Variants in CNST observed in about 807,000 individuals in gnomAD.
CNST encodes the protein consortin, connexin sorting protein.
Under a neutral mutation model 72.4 loss-of-function variants are expected in CNST, and 39 were observed. The ratio of observed to expected loss-of-function variants is 0.54; its 90% confidence interval spans 0.42 to 0.70. The LOEUF is 0.70. Ranked by LOEUF, CNST falls within the 30% of genes least tolerant of loss-of-function variation. The pLI is 0.00. For synonymous variants in CNST, 332 were observed against 320.1 expected, an observed-to-expected ratio of 1.04 and a Z score of -0.40; for missense variants, 871 against 868.5, an observed-to-expected ratio of 1.00 and a Z score of -0.04.
chr1:246,659,726 GT>G (rs1666982502), intron 9 of CNST, among the ~76,000 whole-genome samples: 1 of 152,148 alleles, frequency 6.6e-6, no homozygotes, highest in Non-Finnish European at 1.5e-5. Context: ...ACACTTTAAT[GT>G]TAAAAGCTTG....
At chr1:246,662,864 G>A (rs189313813) in intron 10 of CNST, among the ~76,000 whole-genome samples, 33 of 152,254 alleles carry the variant, frequency 2.2e-4, no homozygotes, top group Non-Finnish European at 8.8e-5. Flanking sequence ...GTGCCCAACA[G>A]CCACCTGTGG....
intron 1 of CNST, among the ~76,000 whole-genome samples, chr1:246,590,556 TCA>T (rs1572136566): frequency 6.6e-6 from 1 of 152,154 alleles, no homozygotes; most frequent in East Asian, 1.9e-4. Flanking sequence ...CTTGTACTTT[TCA>T]TGGTTTTAGA....
At chr1:246,612,948 A>G (rs1034962227) in intron 2 of CNST, among the ~76,000 whole-genome samples, 1 of 152,092 alleles carries the variant, frequency 6.6e-6, no homozygotes, top group African/African-American at 2.4e-5. Context: ...ACTAATTGAA[A>G]TTTGCTGAGT....
At chr1:246,600,069 G>C (rs1266977854) in intron 2 of CNST, among the ~76,000 whole-genome samples, 5 of 152,182 alleles carry the variant, frequency 3.3e-5, no homozygotes, top group African/African-American at 1.2e-4. Context: ...AGCTGAGTTA[G>C]GACAAATAGG....
chr1:246,572,404 T>A (rs1229696571), intron 1 of CNST, among the ~76,000 whole-genome samples: 1 of 152,252 alleles, frequency 6.6e-6, no homozygotes, highest in Non-Finnish European at 1.5e-5. Flanking sequence ...TTGTTCATTA[T>A]TTTTCTCTTC....
At chr1:246,645,083 T>G (rs944212308) in intron 8 of CNST, among the ~76,000 whole-genome samples, 1 of 152,164 alleles carries the variant, frequency 6.6e-6, no homozygotes, top group East Asian at 1.9e-4. Flanking sequence ...GCATCTGATA[T>G]TTGAGTCAGG....
At position 246,665,718 on chromosome 1, in the gene CNST, C is replaced by T. The variant is rs2103181038; in HGVS notation, c.1991C>T (p.Ser664Phe). The T allele has an allele frequency of 6.2e-7, 1 of 1,613,096 alleles. No individual in the cohort carries two copies. The highest frequency in any genetic ancestry group is 8.5e-7 in the Non-Finnish European group (1 of 1,180,022). Residue 664 changes from serine to phenylalanine, a missense_variant, in exon 11 of 11, where the codon TCC becomes TTC. Physicochemically the swap from Ser to Phe is radical, Grantham distance 155. Coordinates refer to ENST00000366513, the MANE Select transcript of CNST (RefSeq NM_152609.3). Reference sequence around the variant, plus strand: ...TTTGCAGATGAAGTTGGAGGTGGCTCCTGTATTTTGCTGGTCTTGCTGTGC... The same window carrying T: ...TTTGCAGATGAAGTTGGAGGTGGCTTCTGTATTTTGCTGGTCTTGCTGTGC... ...SLDQDEVGGG[S>F]CILLVLLCIA...
chr1:246,652,792 C>G (rs546286467), intron 9 of CNST, among the ~76,000 whole-genome samples: 18 of 151,226 alleles, frequency 1.2e-4, no homozygotes, highest in Non-Finnish European at 2.1e-4. Context: ...ATCACGAGGT[C>G]AGGAGATCGA....
rs1666199032 is a variant in CNST at position 246,647,777 on chromosome 1, G to T, written c.1576G>T (p.Val526Leu). 6.2e-7 allele frequency: 1 copy of T among 1,614,054 alleles called. No homozygotes were observed. The highest frequency in any genetic ancestry group is 1.1e-5 in the South Asian group (1 of 91,078). Reference sequence around the variant, plus strand: ...TGACTTAGGCATACTGCTTCCAGAGGTGTGTATGGCCCCAGAGGAAAAGGG... The same window carrying T: ...TGACTTAGGCATACTGCTTCCAGAGTTGTGTATGGCCCCAGAGGAAAAGGG... ...ISDLGILLPE[V>L]CMAPEEKGDK... The change falls in exon 9 of 11, where the codon GTG becomes TTG. Residue 526 changes from valine to leucine, a missense_variant. Physicochemically the swap from Val to Leu is conservative, Grantham distance 32. Coordinates refer to ENST00000366513, the MANE Select transcript of CNST (RefSeq NM_152609.3).
chr1:246,615,204 C>G (rs1289932486), intron 2 of CNST, among the ~76,000 whole-genome samples: 1 of 152,154 alleles, frequency 6.6e-6, no homozygotes, highest in Non-Finnish European at 1.5e-5. Context: ...GAGACGGAGT[C>G]TCGCTCTGTC....
At chr1:246,602,515 C>A (rs190977388) in intron 2 of CNST, among the ~76,000 whole-genome samples, 1 of 152,348 alleles carries the variant, frequency 6.6e-6, no homozygotes, top group East Asian at 1.9e-4. Flanking sequence ...TGACAGCTGG[C>A]TTCCTCCAGG....
Position 246,634,010 on chromosome 1 carries a change from G to T in CNST, c.703G>T (p.Glu235Ter). Residue 235 changes from glutamate (E) to a stop codon, truncating the protein, a stop_gained and splice_region_variant, in exon 5 of 11, where the codon GAA becomes TAA. Coordinates refer to ENST00000366513, the MANE Select transcript of CNST (RefSeq NM_152609.3). LOFTEE classifies it high-confidence loss of function. ...ANLSAIQEQW[E>*]TKWKTVQPHT... Reference sequence around the variant, plus strand: ...TCTTTCTGCCATTCAAGAACAGTGGGGTAAGTACAGACCAACATGGAATGT... The same window carrying T: ...TCTTTCTGCCATTCAAGAACAGTGGTGTAAGTACAGACCAACATGGAATGT... 1 of 1,593,820 alleles carries T rather than the reference G, an allele frequency of 6.3e-7. No individual in the cohort carries two copies. The highest frequency in any genetic ancestry group is 8.6e-7 in the Non-Finnish European group (1 of 1,161,574).
At chr1:246,609,625 T>C (rs960622582) in intron 2 of CNST, among the ~76,000 whole-genome samples, 9 of 152,206 alleles carry the variant, frequency 5.9e-5, no homozygotes, top group African/African-American at 2.2e-4. Flanking sequence ...TCCATTTTCA[T>C]GGCATTGATC....
chr1:246,663,042 T>A (rs903095424), intron 10 of CNST, among the ~76,000 whole-genome samples: 7 of 152,136 alleles, frequency 4.6e-5, no homozygotes, highest in African/African-American at 1.7e-4. Flanking sequence ...GTAGGAATCA[T>A]GTTAAGAAAA....
intron 2 of CNST, among the ~76,000 whole-genome samples, chr1:246,610,479 A>G (rs79816787): frequency 2.6e-4 from 39 of 152,114 alleles, no homozygotes; most frequent in African/African-American, 9.2e-4. Flanking sequence ...TTTTCTGTCT[A>G]TGTATTTCTT....
At chr1:246,664,527 T>A (rs78107162) in intron 10 of CNST, among the ~76,000 whole-genome samples, 3 of 151,942 alleles carry the variant, frequency 2.0e-5, no homozygotes, top group East Asian at 3.9e-4. Flanking sequence ...CCCAGGTTCA[T>A]GCCATTCTCC....
At chr1:246,597,980 TTTA>T in intron 2 of CNST, among the ~76,000 whole-genome samples, 1 of 149,972 alleles carries the variant, frequency 6.7e-6, no homozygotes, top group Non-Finnish European at 1.5e-5. Context: ...ATGGTATTTA[TTTA>T]TTTATTTATT....
rs779815206 is a variant in CNST at position 246,665,821 on chromosome 1, T to A, written c.2094T>A (p.Thr698=). 6.2e-7 allele frequency: 1 copy of A among 1,614,056 alleles called. No homozygotes were observed. Among genetic ancestry groups the A allele is most frequent in the Non-Finnish European group, 8.5e-7 (1 of 1,179,960 alleles). The change falls in exon 11 of 11, where the codon ACT becomes ACA. Residue 698 remains threonine (T), a synonymous_variant. Coordinates refer to ENST00000366513, the MANE Select transcript of CNST (RefSeq NM_152609.3). ...GTGACATGGAGTCACCTGTTTGTAC[T>A]GACTTTGCAGACAACATGGACTTCT... ...TFGDMESPVC[T]DFADNMDFYY... is the part of the protein sequence containing the mutation.
chr1:246,599,264 C>A (rs565698067), intron 2 of CNST, among the ~76,000 whole-genome samples: 3 of 151,868 alleles, frequency 2.0e-5, no homozygotes. Flanking sequence ...AATCTAGTGG[C>A]TTTAAACACA....
Sources: gnomAD v4.1 joint callset for allele counts (sites outside exome capture counted in the v4.1 genomes callset) on GRCh38, gnomAD v4.1.1 for gene constraint, MANE v1.5 for transcripts, NCBI Gene and HGNC (gene_info 2026-07-23, HGNC 2026-07-21) for gene names.